SMAD2: variants seen among roughly 807,000 people sequenced by gnomAD.
The protein encoded by SMAD2 is MAD homolog 2.
In SMAD2, 8 loss-of-function variants were observed where a neutral mutation model predicts 64.4. The observed-to-expected ratio is 0.12, with a 90% CI of 0.07 to 0.22. The LOEUF is 0.22. Ranked by LOEUF, SMAD2 falls within the 10% of genes least tolerant of loss-of-function variation. The pLI is 1.00. For missense variants in SMAD2, 289 were observed against 561.2 expected (o/e 0.51, Z 4.90); for synonymous variants, 203 against 195.8 (o/e 1.04, Z -0.31).
chr18:47,831,601 G>C lies in SMAD2; in HGVS notation c.*10226C>G, dbSNP rs1912995134. 1 of 152,204 alleles carries C rather than the reference G, an allele frequency of 6.6e-6. No homozygotes were observed. The highest frequency in any genetic ancestry group is 2.1e-4 in the South Asian group (1 of 4,836). The allele number at this position is 152,204 out of a possible 1,614,324, so 9.4% of individuals were successfully genotyped here. A position where few individuals can be genotyped will look rare whatever the true frequency, so the allele number is the denominator to read the frequency against. On this transcript the variant is annotated 3_prime_UTR_variant, in exon 11 of 11. Transcript: ENST00000262160. Reference sequence around the variant, plus strand: ...TATAACCAATAAAGTCATGCAGTTTGGACGGGAGCACAGTAATACATTCTG... The same window carrying C: ...TATAACCAATAAAGTCATGCAGTTTCGACGGGAGCACAGTAATACATTCTG...
In SMAD2 at chr18:47,830,686, T is replaced by G. The variant is rs180711616; in HGVS notation, c.*11141A>C. On this transcript the variant is annotated 3_prime_UTR_variant, in exon 11 of 11. Coordinates refer to ENST00000262160, the MANE Select transcript of SMAD2 (RefSeq NM_005901.6). ...TAAAATCTTATTTACATGGTACTTA[T>G]GTAGTTTGATCAAATACTGCCACAA... 6.6e-6 allele frequency: 1 copy of G among 152,638 alleles called. No individual in the cohort carries two copies. The highest frequency in any genetic ancestry group is 6.5e-5 in the Admixed American group (1 of 15,290). The allele number at this position is 152,638 out of a possible 1,614,324, so 9.5% of individuals were successfully genotyped here.
chr18:47,924,360 AG>A (rs2034680359), intron 1 of SMAD2, among the ~76,000 whole-genome samples: 1 of 152,148 alleles, frequency 6.6e-6, no homozygotes, highest in African/African-American at 2.4e-5. Flanking sequence ...AGTTCACTCA[AG>A]TCAAGGCAGA....
In SMAD2 at chr18:47,820,208, C is replaced by T. The variant is rs985558633; in HGVS notation, c.*21619G>A. On this transcript the variant is annotated 3_prime_UTR_variant, in exon 11 of 11. Coordinates refer to ENST00000262160, the MANE Select transcript of SMAD2 (RefSeq NM_005901.6). ...AAATATATTTGGGCCTATTAATATA[C>T]AAAGTTATAAGGAAACATGTTTCTA... is the stretch of plus-strand genomic sequence containing the variant. 30 of 151,982 alleles carry T rather than the reference C, an allele frequency of 2.0e-4. No individual in the cohort carries two copies. The highest frequency in any genetic ancestry group is 7.2e-4 in the African/African-American group (30 of 41,478). 9.4% of individuals were successfully genotyped at this position (151,982 alleles called of 1,614,324 possible). A position where few individuals can be genotyped will look rare whatever the true frequency, so the allele number is the denominator to read the frequency against.
At chr18:47,868,237 T>G (rs1598801909) in intron 5 of SMAD2, 86 bp downstream of exon 5, 1 of 1,190,290 alleles carries the variant, frequency 8.4e-7, no homozygotes, top group East Asian at 2.3e-5. Flanking sequence ...TTTAAAAAAG[T>G]GAAACCACAA....
chr18:47,895,734 T>C (rs1378243166), intron 2 of SMAD2: 1 of 152,244 alleles, frequency 6.6e-6, no homozygotes, highest in Non-Finnish European at 1.5e-5. Flanking sequence ...GGATCTGTTA[T>C]CTATAAGCAT....
chr18:47,853,627 G>A (rs1236585311), intron 6 of SMAD2, among the ~76,000 whole-genome samples: 2 of 151,880 alleles, frequency 1.3e-5, no homozygotes, highest in Non-Finnish European at 2.9e-5. Flanking sequence ...GGCAATAAAG[G>A]TGAAATGGTA....
intron 1 of SMAD2, among the ~76,000 whole-genome samples, chr18:47,898,640 T>C (rs2033547187): frequency 6.7e-6 from 1 of 149,574 alleles, no homozygotes; most frequent in South Asian, 2.2e-4. Flanking sequence ...ATTATTTTGG[T>C]TTGCACCACA....
chr18:47,899,324 G>A (rs1382292466), intron 1 of SMAD2, among the ~76,000 whole-genome samples: 1 of 152,094 alleles, frequency 6.6e-6, no homozygotes, highest in African/African-American at 2.4e-5. Flanking sequence ...GAGCTTAGCA[G>A]AGAGATCAAA....
At chr18:47,898,870 C>A (rs942985741) in intron 1 of SMAD2, among the ~76,000 whole-genome samples, 3 of 141,134 alleles carry the variant, frequency 2.1e-5, no homozygotes, top group Non-Finnish European at 4.6e-5. Flanking sequence ...TTTATTCATT[C>A]CTTTTTGCAT....
At chr18:47,850,271 TTATA>T (rs1233654539) in intron 7 of SMAD2, among the ~76,000 whole-genome samples, 5 of 69,318 alleles carry the variant, frequency 7.2e-5, no homozygotes, top group African/African-American at 3.4e-4. Flanking sequence ...ATAATATATA[TTATA>T]TATTATATAT....
Position 47,841,698 on chromosome 18 carries a change from G to C in SMAD2, c.*129C>G. The C allele has an allele frequency of 1.0e-6, 1 of 980,372 alleles. No homozygotes were observed. Among genetic ancestry groups the C allele is most frequent in the South Asian group, 1.4e-5 (1 of 73,396 alleles). 60.7% of individuals were successfully genotyped at this position (980,372 alleles called of 1,614,324 possible). On this transcript the variant is annotated 3_prime_UTR_variant, in exon 11 of 11. Transcript: ENST00000262160. ...ACAGATTCCACAAGGTGCTTTAATTGATGAGACCTCAAGTGCTGTTTTCTC... is the reference window on the plus strand; with the variant it reads ...ACAGATTCCACAAGGTGCTTTAATTCATGAGACCTCAAGTGCTGTTTTCTC...
At position 47,827,972 on chromosome 18, in the gene SMAD2, G is replaced by A. The variant is rs375201773; in HGVS notation, c.*13855C>T. The A allele has an allele frequency of 4.1e-5, 7 of 168,880 alleles. No individual in the cohort carries two copies. The East Asian group carries it at 5.4e-4, about 13-fold the overall frequency. The allele number at this position is 168,880 out of a possible 1,614,324, so 10.5% of individuals were successfully genotyped here. A position where few individuals can be genotyped will look rare whatever the true frequency, so the allele number is the denominator to read the frequency against. ...TGGGATGTGAGGAGCCCCTCAGCCC[G>A]GCCGCCCAGTCTGGGAAGTGAGGAG... is the stretch of plus-strand genomic sequence containing the variant. On this transcript the variant is annotated 3_prime_UTR_variant, in exon 11 of 11. Transcript: ENST00000262160.
chr18:47,848,399 G>C (rs771167131), intron 8 of SMAD2, 76 bp downstream of exon 8: 35 of 1,129,790 alleles, frequency 3.1e-5, no homozygotes, highest in Non-Finnish European at 4.4e-5. Flanking sequence ...ACAAGCTCTT[G>C]ATGTGGCACA....
chr18:47,810,094 CT>C lies in SMAD2; in HGVS notation c.*31732del, dbSNP rs1169029230. ...ATCCTGCCTGCCTAGACGAGCTGAT[CT>C]GAGTACAATCACAGAGGAGCACTGG... On this transcript the variant is annotated 3_prime_UTR_variant, in exon 11 of 11. Transcript: ENST00000262160. The C allele has an allele frequency of 2.6e-5, 4 of 152,206 alleles. No individual in the cohort carries two copies. Among genetic ancestry groups the C allele is most frequent in the Admixed American group, 6.5e-5 (1 of 15,272 alleles). 9.4% of individuals were successfully genotyped at this position (152,206 alleles called of 1,614,324 possible).
chr18:47,903,889 G>GGGGCC (rs1555660347), intron 1 of SMAD2, among the ~76,000 whole-genome samples: 1 of 95,782 alleles, frequency 1.0e-5, no homozygotes, highest in African/African-American at 3.7e-5. Flanking sequence ...GGGGGGGGGG[G>GGGGCC]ACTCAGAATA....
Position 47,850,450 on chromosome 18 carries a change from ATT to A in SMAD2, c.784+822_784+823del, listed in dbSNP as rs1491327382. ...ATTATATATATTATGTATAATATAT[ATT>A]ATATATTATACATAATATATATTAT... is the stretch of plus-strand genomic sequence containing the variant. On this transcript the variant is annotated intron_variant, in intron 7 of 10. Transcript: ENST00000262160. 4.2e-4 allele frequency among the ~76,000 whole-genome samples: 10 copies of A among 23,538 alleles called. 2 individuals are homozygous for A. The highest frequency in any genetic ancestry group is 1.8e-3 in the African/African-American group (10 of 5,580). The allele number at this position is 23,538 out of a possible 152,430, so 15.4% of individuals were successfully genotyped here.
chr18:47,874,895 T>TA (rs2032173183), intron 2 of SMAD2, among the ~76,000 whole-genome samples: 1 of 151,952 alleles, frequency 6.6e-6, no homozygotes. Flanking sequence ...ACCAAAATTG[T>TA]AAAAATAAAA....
rs969006466 is a variant in SMAD2 at position 47,829,683 on chromosome 18, C to T, written c.*12144G>A. On this transcript the variant is annotated 3_prime_UTR_variant, in exon 11 of 11. Transcript: ENST00000262160. ...CAGTGCATAGGCAGTATGAAGTAGA[C>T]ACTTTGGCAAATAAAAACTGCACCG... The T allele has an allele frequency of 3.3e-5, 5 of 152,156 alleles. No individual in the cohort carries two copies. Among genetic ancestry groups the T allele is most frequent in the African/African-American group, 1.2e-4 (5 of 41,432 alleles). The allele number at this position is 152,156 out of a possible 1,614,324, so 9.4% of individuals were successfully genotyped here.
chr18:47,861,222 A>T (rs2031163500), intron 6 of SMAD2, among the ~76,000 whole-genome samples: 1 of 152,004 alleles, frequency 6.6e-6, no homozygotes, highest in African/African-American at 2.4e-5. Context: ...TGGGCGTGGT[A>T]GTGCATGCCT....
Sources: allele counts gnomAD v4.1 joint callset (sites outside exome capture counted in the v4.1 genomes callset), GRCh38; gene constraint gnomAD v4.1.1; transcripts MANE v1.5; gene names NCBI Gene and HGNC (gene_info 2026-07-23, HGNC 2026-07-21).